The following DOK7 variants were observed in gnomAD, a reference collection of about 807,000 sequenced individuals.
The protein encoded by DOK7 is docking protein 7.
Under a neutral mutation model 30.7 loss-of-function variants are expected in DOK7, and 32 were observed. The observed-to-expected ratio is 1.04, with a 90% CI of 0.79 to 1.40. The LOEUF is 1.40. DOK7 is among the 40% of genes most tolerant of loss of function. The pLI, the probability that DOK7 is intolerant of heterozygous loss-of-function variation, is 0.00. For missense variants in DOK7, 1,007 were observed against 699.2 expected (o/e 1.44, Z -4.97); for synonymous variants, 447 against 324.1 (o/e 1.38, Z -4.07).
At position 3,493,649 on chromosome 4, in the gene DOK7, C is replaced by A; in HGVS notation, c.*148C>A. ...CCGGAGAGGGGAGCTGGAGGGCGCGCCCTGTGGCTGCCACCGGAGGAAGGG... is the reference window on the plus strand; with the variant it reads ...CCGGAGAGGGGAGCTGGAGGGCGCGACCTGTGGCTGCCACCGGAGGAAGGG... On this transcript the variant is annotated 3_prime_UTR_variant, in exon 7 of 7. Coordinates refer to ENST00000340083, the MANE Select transcript of DOK7 (RefSeq NM_173660.5). The A allele has an allele frequency of 1.4e-6, 2 of 1,461,294 alleles. No individual in the cohort carries two copies. The highest frequency in any genetic ancestry group is 1.8e-6 in the Non-Finnish European group (2 of 1,105,396). The allele number at this position is 1,461,294 out of a possible 1,614,324, so 90.5% of individuals were successfully genotyped here.
At chr4:3,471,044 G>A (rs1211114503) in intron 2 of DOK7, among the ~76,000 whole-genome samples, 1 of 152,256 alleles carries the variant, frequency 6.6e-6, no homozygotes, top group Non-Finnish European at 1.5e-5. Flanking sequence ...GGCCCTCGAG[G>A]TGGAAGGTGG....
Position 3,493,626 on chromosome 4 carries a change from G to T in DOK7, c.*125G>T, listed in dbSNP as rs549831399. ...CTGTGGGAGGGACCGGGGGTCTCCC[G>T]GAGAGGGGAGCTGGAGGGCGCGCCC... On this transcript the variant is annotated 3_prime_UTR_variant, in exon 7 of 7. Coordinates refer to ENST00000340083, the MANE Select transcript of DOK7 (RefSeq NM_173660.5). The T allele has an allele frequency of 2.0e-6, 3 of 1,492,964 alleles. No homozygotes were observed. The highest frequency in any genetic ancestry group is 2.3e-5 in the Admixed American group (1 of 43,740). 92.5% of individuals were successfully genotyped at this position (1,492,964 alleles called of 1,614,324 possible).
intron 5 of DOK7, among the ~76,000 whole-genome samples, chr4:3,488,941 G>A (rs1165378032): frequency 4.6e-5 from 7 of 152,248 alleles, no homozygotes; most frequent in Non-Finnish European, 5.9e-5. Flanking sequence ...ATCCCAGCAT[G>A]GGCGGGGGCT....
At chr4:3,489,086 A>G (rs1419288157) in intron 5 of DOK7, among the ~76,000 whole-genome samples, 3 of 152,178 alleles carry the variant, frequency 2.0e-5, no homozygotes, top group South Asian at 2.1e-4. Context: ...ATGAATAGAG[A>G]AGGCGAGGCT....
At chr4:3,469,793 A>C (rs1436732202) in intron 2 of DOK7, among the ~76,000 whole-genome samples, 2 of 152,124 alleles carry the variant, frequency 1.3e-5, no homozygotes, top group African/African-American at 2.4e-5. Flanking sequence ...TCCCCGAGAG[A>C]TGCACTTTAA....
downstream of DOK7, chr4:3,496,844 C>T (rs1295147706): frequency 5.2e-6 from 8 of 1,535,514 alleles, no homozygotes; most frequent in Admixed American, 2.0e-5. Context: ...AGCCCCAGGA[C>T]CTGCGACAGC....
rs140654138 is a variant in DOK7, at chr4:3,470,351, G to A, written c.101-3055G>A. On this transcript the variant is annotated intron_variant, in intron 2 of 6. Transcript: ENST00000340083. ...ACATACAGGTTCCGGGGTCGGGAGT[G>A]GACACGTCTTGCTGGGGGCCACGCT... 3.3e-4 allele frequency among the ~76,000 whole-genome samples: 51 copies of A among 152,358 alleles called. 5 individuals are homozygous for A. The East Asian group carries it at 4.8e-3, about 14-fold the overall frequency.
chr4:3,489,543 G>A, intron 5 of DOK7, 134 bp from the exon 6 acceptor site: 5 of 1,414,164 alleles, frequency 3.5e-6, no homozygotes, highest in Non-Finnish European at 3.9e-6. Flanking sequence ...TGAGGCATCG[G>A]GAGGAGCGGG....
At chr4:3,501,239 T>A (rs1729170251) in exon 8 of DOK7, 1 of 182,964 alleles carries the variant, frequency 5.5e-6, no homozygotes, top group Non-Finnish European at 1.1e-5. Context: ...CCTGGCAAAA[T>A]GCTCATCCCT....
chr4:3,467,294 C>CCCGCCCTCCCCGGCTCT (rs1726349697), intron 2 of DOK7, among the ~76,000 whole-genome samples: 1 of 150,598 alleles, frequency 6.6e-6, no homozygotes, highest in African/African-American at 2.4e-5. Context: ...CTTCTTCCCT[C>CCCGCCCTCCCCGGCTCT]CCGCCCTCCC....
rs1490214819 is a variant in DOK7 at position 3,476,341 on chromosome 4, G to C, written c.332-1G>C. On this transcript the variant is annotated splice_acceptor_variant, in intron 3 of 6. Transcript: ENST00000340083. LOFTEE classifies it high-confidence loss of function. ...TGCCCTCTTGCCCCGCCTGCCCGCA[G>C]TGCATAGGTTCCATGTGACAGTGGC... 4 of 1,474,160 alleles carry C rather than the reference G, an allele frequency of 2.7e-6. No homozygotes were observed. The South Asian group carries it at 4.5e-5, about 17-fold the overall frequency. 91.3% of individuals were successfully genotyped at this position (1,474,160 alleles called of 1,614,324 possible).
intron 2 of DOK7, among the ~76,000 whole-genome samples, chr4:3,465,312 A>G (rs115908547): frequency 3.9e-5 from 6 of 152,218 alleles, no homozygotes; most frequent in Admixed American, 1.3e-4. Flanking sequence ...CTGGCCCCTC[A>G]TAAGCCTCCC....
chr4:3,463,977 A>T lies in DOK7; in HGVS notation c.100+426A>T, dbSNP rs183215855. Among the ~76,000 whole-genome samples, 1,385 of 152,206 alleles carry T rather than the reference A, an allele frequency of 9.1e-3. 18 individuals are homozygous for T. Among genetic ancestry groups the T allele is most frequent in the African/African-American group, 0.031 (1,301 of 41,532 alleles). ...CCTGGACCCCTCCCAGGCAGACGAG[A>T]GGCTGGGCTGCGGTAGGGCAGGGCA... On this transcript the variant is annotated intron_variant, in intron 2 of 6. Coordinates refer to ENST00000340083, the MANE Select transcript of DOK7 (RefSeq NM_173660.5).
intron 4 of DOK7, among the ~76,000 whole-genome samples, chr4:3,480,842 G>A (rs760149899): frequency 1.2e-4 from 19 of 152,126 alleles, no homozygotes; most frequent in Non-Finnish European, 1.9e-4. Context: ...CGGCCTCAGA[G>A]GCTGCGTGAG....
chr4:3,473,164 G>A (rs966466536), intron 2 of DOK7, among the ~76,000 whole-genome samples: 2 of 152,362 alleles, frequency 1.3e-5, no homozygotes, highest in East Asian at 1.9e-4. Flanking sequence ...AGCCAGCGTC[G>A]GGGGCTGGGC....
At chr4:3,463,903 AG>A (rs1468108217) in intron 2 of DOK7, among the ~76,000 whole-genome samples, 1 of 152,174 alleles carries the variant, frequency 6.6e-6, no homozygotes, top group Non-Finnish European at 1.5e-5. Flanking sequence ...CGCTCAGAGC[AG>A]GGCCCCCGAA....
chr4:3,491,382 G>GTTCATTCCTTCCTTCTCCCCTTGCTCA (rs149476084), intron 6 of DOK7, among the ~76,000 whole-genome samples: 1 of 94,184 alleles, frequency 1.1e-5, no homozygotes, highest in Non-Finnish European at 2.2e-5. Flanking sequence ...CCCCCTGCTC[G>GTTCATTCCTTCCTTCTCCCCTTGCTCA]TTCATTCCTT....
In DOK7 at chr4:3,493,677, T is replaced by TGA. The variant is rs1728705694; in HGVS notation, c.*177_*178dup. 6.9e-7 allele frequency: 1 copy of TGA among 1,447,702 alleles called. No homozygotes were observed. The highest frequency in any genetic ancestry group is 9.1e-7 in the Non-Finnish European group (1 of 1,100,730). The allele number at this position is 1,447,702 out of a possible 1,614,324, so 89.7% of individuals were successfully genotyped here. ...TGTGGCTGCCACCGGAGGAAGGGGC[T>TGA]GACTTGGGGAGGTGAGTTCTGGAAG... On this transcript the variant is annotated 3_prime_UTR_variant, in exon 7 of 7. Coordinates refer to ENST00000340083, the MANE Select transcript of DOK7 (RefSeq NM_173660.5).
intron 4 of DOK7, among the ~76,000 whole-genome samples, chr4:3,478,689 C>T (rs562979019): frequency 5.2e-5 from 7 of 134,626 alleles, no homozygotes; most frequent in South Asian, 2.3e-4. Flanking sequence ...TCTGGGAATT[C>T]GGTCACCGAC....
Sources: allele counts gnomAD v4.1 joint callset (sites outside exome capture counted in the v4.1 genomes callset), GRCh38; gene constraint gnomAD v4.1.1; transcripts MANE v1.5; gene names NCBI Gene and HGNC (gene_info 2026-07-23, HGNC 2026-07-21).